Variants in CMSS1 observed in about 807,000 individuals in gnomAD.
CMSS1 encodes protein CMSS1.
In CMSS1, 33 loss-of-function variants were observed where a neutral mutation model predicts 43.5. The observed-to-expected ratio is 0.76, with a 90% CI of 0.57 to 1.01. CMSS1 has a LOEUF of 1.01. Ranked by LOEUF, CMSS1 falls within the 50% of genes least tolerant of loss-of-function variation. The pLI is 0.00. For missense variants in CMSS1, 313 were observed against 326.4 expected, an observed-to-expected ratio of 0.96 and a Z score of 0.32; for synonymous variants, 115 against 117.2, an observed-to-expected ratio of 0.98 and a Z score of 0.12.
rs756754642 is a variant in CMSS1, at chr3:100,160,477, C to T, written c.201C>T (p.Thr67=). 1.3e-6 allele frequency: 2 copies of T among 1,512,232 alleles called. No individual in the cohort carries two copies. The highest frequency in any genetic ancestry group is 1.8e-6 in the Non-Finnish European group (2 of 1,092,016). The allele number at this position is 1,512,232 out of a possible 1,614,324, so 93.7% of individuals were successfully genotyped here. ...LIQPKERKEN[T]TKTRKRRKKK... ...AACCAAAGGAAAGAAAAGAGAATAC[C>T]ACCAAGACCAGGAAAAGAAGAAAGG... is the stretch of plus-strand genomic sequence containing the variant. The change falls in exon 3 of 10, where the codon ACC becomes ACT. Residue 67 remains threonine (T), a synonymous_variant. Coordinates refer to ENST00000421999, the MANE Select transcript of CMSS1 (RefSeq NM_032359.4).
At chr3:100,107,970 A>C (rs563516166) in intron 1 of CMSS1, among the ~76,000 whole-genome samples, 1 of 152,090 alleles carries the variant, frequency 6.6e-6, no homozygotes, top group African/African-American at 2.4e-5. Context: ...GGTCAAGAAA[A>C]TTTCTGGTTT....
At chr3:99,940,144 A>T (rs1228150598) in intron 1 of CMSS1, among the ~76,000 whole-genome samples, 1 of 152,232 alleles carries the variant, frequency 6.6e-6, no homozygotes, top group Non-Finnish European at 1.5e-5. Flanking sequence ...TTCCATTACA[A>T]ATCAGTGACT....
At chr3:99,942,212 AAAG>A (rs1452412497) in intron 1 of CMSS1, among the ~76,000 whole-genome samples, 1 of 152,134 alleles carries the variant, frequency 6.6e-6, no homozygotes, top group Admixed American at 6.5e-5. Context: ...AAAAAAAAAA[AAAG>A]AAGTTACTGT....
At chr3:100,068,503 C>T (rs1226632490) in intron 1 of CMSS1, among the ~76,000 whole-genome samples, 4 of 152,096 alleles carry the variant, frequency 2.6e-5, no homozygotes, top group African/African-American at 9.7e-5. Context: ...ATACATCTTG[C>T]TATAGGAATA....
chr3:100,127,667 C>CT (rs2066673759), intron 1 of CMSS1, among the ~76,000 whole-genome samples: 1 of 152,134 alleles, frequency 6.6e-6, no homozygotes, highest in Non-Finnish European at 1.5e-5. Flanking sequence ...ACTTATGGGA[C>CT]CATCATCTCA....
chr3:100,105,229 A>T (rs1243726376), intron 1 of CMSS1, among the ~76,000 whole-genome samples: 2 of 152,206 alleles, frequency 1.3e-5, no homozygotes, highest in African/African-American at 4.8e-5. Flanking sequence ...TTCTCCTACC[A>T]GAGCTTAAAG....
At chr3:99,924,604 C>T (rs1036841848) in intron 1 of CMSS1, among the ~76,000 whole-genome samples, 16 of 152,260 alleles carry the variant, frequency 1.1e-4, no homozygotes, top group South Asian at 2.1e-4. Flanking sequence ...CTGCAACTTC[C>T]GCCTCCCGGG....
chr3:99,844,769 G>A (rs1943288074), intron 1 of CMSS1, among the ~76,000 whole-genome samples: 1 of 152,104 alleles, frequency 6.6e-6, no homozygotes, highest in African/African-American at 2.4e-5. Flanking sequence ...TCGTGGGGTG[G>A]TTTCCCCTGC....
At chr3:99,850,269 G>T in intron 1 of CMSS1, 2 of 1,613,752 alleles carry the variant, frequency 1.2e-6, no homozygotes, top group Admixed American at 1.7e-5. Context: ...CTAGCTCTTT[G>T]ATCCTTACTT....
intron 1 of CMSS1, among the ~76,000 whole-genome samples, chr3:99,954,379 G>A (rs980630682): frequency 6.6e-6 from 1 of 152,226 alleles, no homozygotes; most frequent in Non-Finnish European, 1.5e-5. Context: ...CACACTGTGA[G>A]ATAGGTATCA....
At chr3:99,849,511 A>G in intron 1 of CMSS1, 4 of 1,613,180 alleles carry the variant, frequency 2.5e-6, no homozygotes, top group Non-Finnish European at 3.4e-6. Flanking sequence ...TTTCTCTTTT[A>G]ATGCATCCAC....
At chr3:100,009,732 C>T (rs1157138490) in intron 1 of CMSS1, among the ~76,000 whole-genome samples, 12 of 152,188 alleles carry the variant, frequency 7.9e-5, no homozygotes, top group Admixed American at 7.9e-4. Context: ...TCATAGGAGG[C>T]AAAGATATTT....
chr3:100,111,771 TA>T (rs2066495181), intron 1 of CMSS1, among the ~76,000 whole-genome samples: 2 of 152,212 alleles, frequency 1.3e-5, no homozygotes, highest in Non-Finnish European at 2.9e-5. Context: ...AGTTTTTGTC[TA>T]ACATCTATAG....
intron 1 of CMSS1, among the ~76,000 whole-genome samples, chr3:100,126,366 G>A (rs751112177): frequency 6.6e-6 from 1 of 152,092 alleles, no homozygotes; most frequent in Admixed American, 6.5e-5. Context: ...GTAATTATTA[G>A]GAACCTAAAA....
intron 1 of CMSS1, among the ~76,000 whole-genome samples, chr3:99,920,469 C>T (rs1200571258): frequency 1.3e-5 from 2 of 152,176 alleles, no homozygotes; most frequent in Non-Finnish European, 2.9e-5. Context: ...TAGACTCCAC[C>T]TGTAATTCAG....
rs1483857896 is a variant in CMSS1, at chr3:100,066,593, G to A, written c.65-80380G>A. On this transcript the variant is annotated intron_variant, in intron 1 of 9. Transcript: ENST00000421999. Reference sequence around the variant, plus strand: ...GTCGCCCAGGCTGGAGTGCAGTGGCGGGATCTCGGCTCACTGCAAGCTCCG... The same window carrying A: ...GTCGCCCAGGCTGGAGTGCAGTGGCAGGATCTCGGCTCACTGCAAGCTCCG... Among the ~76,000 whole-genome samples, 4 of 91,222 alleles carry A rather than the reference G, an allele frequency of 4.4e-5. 1 individual carries two copies. The highest frequency in any genetic ancestry group is 2.8e-4 in the East Asian group (1 of 3,548). The allele number at this position is 91,222 out of a possible 152,430, so 59.8% of individuals were successfully genotyped here.
intron 1 of CMSS1, among the ~76,000 whole-genome samples, chr3:100,105,956 A>G (rs758357362): frequency 5.9e-5 from 9 of 152,180 alleles, no homozygotes; most frequent in Non-Finnish European, 1.3e-4. Context: ...AAGTCATTCA[A>G]TTCACATAGC....
intron 1 of CMSS1, among the ~76,000 whole-genome samples, chr3:100,093,854 T>C (rs2066156861): frequency 6.6e-6 from 1 of 152,226 alleles, no homozygotes; most frequent in Non-Finnish European, 1.5e-5. Context: ...CACAATTTTC[T>C]GAAGAGTTAT....
At chr3:99,818,155 G>C in intron 1 of CMSS1, 112 bp downstream of exon 1, 3 of 935,126 alleles carry the variant, frequency 3.2e-6, no homozygotes, top group Non-Finnish European at 4.9e-6. Flanking sequence ...GGTGTGCACC[G>C]CCTTGGGAGC....
Sources: gnomAD v4.1 joint callset for allele counts (sites outside exome capture counted in the v4.1 genomes callset) on GRCh38, gnomAD v4.1.1 for gene constraint, MANE v1.5 for transcripts, NCBI Gene and HGNC (gene_info 2026-07-23, HGNC 2026-07-21) for gene names.